ABL2: variants seen among roughly 807,000 people sequenced by gnomAD.
ABL2 encodes the protein tyrosine-protein kinase ABL2.
ABL2 carries 49 observed loss-of-function variants against 107.7 expected under a neutral mutation model. The ratio of observed to expected loss-of-function variants is 0.45; its 90% CI spans 0.36 to 0.58. The LOEUF is 0.58. Among genes scored for constraint, ABL2 ranks in the 20% least tolerant of loss-of-function variants. The probability of loss-of-function intolerance (pLI) is 0.00; values close to 1 mark genes in which losing one functional copy is unlikely to be tolerated. For missense variants in ABL2, 1,245 were observed against 1,457.0 expected, an observed-to-expected ratio of 0.85 and a Z score of 2.37; for synonymous variants, 549 against 548.6, an observed-to-expected ratio of 1.00 and a Z score of -0.01.
At chr1:179,182,206 T>C (rs561809927) in intron 1 of ABL2, among the ~76,000 whole-genome samples, 1 of 152,176 alleles carries the variant, frequency 6.6e-6, no homozygotes, top group East Asian at 1.9e-4. Flanking sequence ...CCTCTCTCAC[T>C]TGGACATACT....
intron 1 of ABL2, among the ~76,000 whole-genome samples, chr1:179,191,443 G>A (rs957643294): frequency 1.7e-5 from 2 of 114,962 alleles, no homozygotes; most frequent in Non-Finnish European, 3.5e-5. Flanking sequence ...TTTTTGAGAC[G>A]GAGTTTCGCT....
At chr1:179,147,607 C>T (rs1658087370) in intron 1 of ABL2, among the ~76,000 whole-genome samples, 1 of 152,188 alleles carries the variant, frequency 6.6e-6, no homozygotes, top group Admixed American at 6.5e-5. Context: ...AGTGAAATGA[C>T]TTAAAAACAG....
intron 1 of ABL2, among the ~76,000 whole-genome samples, chr1:179,200,677 T>C (rs1661617709): frequency 6.6e-6 from 1 of 152,162 alleles, no homozygotes; most frequent in Non-Finnish European, 1.5e-5. Flanking sequence ...TCTGATCCAC[T>C]ATTGTATTGG....
intron 1 of ABL2, among the ~76,000 whole-genome samples, chr1:179,177,973 G>A (rs961320008): frequency 6.6e-6 from 1 of 152,138 alleles, no homozygotes; most frequent in Non-Finnish European, 1.5e-5. Context: ...TGTATTTAAG[G>A]TGCTATGTAA....
intron 1 of ABL2, among the ~76,000 whole-genome samples, chr1:179,152,536 G>T (rs1382232050): frequency 6.6e-6 from 1 of 152,120 alleles, no homozygotes; most frequent in Non-Finnish European, 1.5e-5. Flanking sequence ...TTAGAGAGAT[G>T]ACTGTGTGTG....
intron 1 of ABL2, among the ~76,000 whole-genome samples, chr1:179,178,774 G>A (rs909780229): frequency 1.3e-5 from 2 of 152,028 alleles, no homozygotes; most frequent in Non-Finnish European, 2.9e-5. Flanking sequence ...GGGGGTGCCT[G>A]TAATCCCAGC....
At chr1:179,112,859 A>T (rs567858788) in intron 9 of ABL2, among the ~76,000 whole-genome samples, 1 of 151,574 alleles carries the variant, frequency 6.6e-6, no homozygotes, top group Non-Finnish European at 1.5e-5. Flanking sequence ...GGTTCAAGTG[A>T]TTCTCCAGCC....
chr1:179,190,322 T>C (rs973009498), intron 1 of ABL2, among the ~76,000 whole-genome samples: 4 of 152,084 alleles, frequency 2.6e-5, no homozygotes, highest in African/African-American at 9.7e-5. Context: ...GGAAACACTT[T>C]ACATACGTTT....
chr1:179,207,691 A>G (rs1388682602), intron 1 of ABL2, among the ~76,000 whole-genome samples: 3 of 152,202 alleles, frequency 2.0e-5, no homozygotes, highest in South Asian at 4.1e-4. Flanking sequence ...TAGCGAATGA[A>G]TAACTTGCCC....
intron 1 of ABL2, 71 bp downstream of exon 1, chr1:179,229,170 G>GGGCCCCCCCC: frequency 3.8e-6 from 1 of 266,256 alleles, no homozygotes; most frequent in Non-Finnish European, 6.8e-6. Context: ...CAGCCCGTCC[G>GGGCCCCCCCC]CCACCCACCC....
chr1:179,149,849 TTAA>T (rs1467280546), intron 1 of ABL2, among the ~76,000 whole-genome samples: 1 of 152,214 alleles, frequency 6.6e-6, no homozygotes, highest in East Asian at 1.9e-4. Flanking sequence ...CTTGGTACAT[TTAA>T]TGATATGTTG....
chr1:179,156,218 T>C (rs550941198), intron 1 of ABL2, among the ~76,000 whole-genome samples: 87 of 152,348 alleles, frequency 5.7e-4, no homozygotes, highest in Non-Finnish European at 1.1e-3. Context: ...CTACATATAT[T>C]TGGGTACTGG....
Position 179,133,299 on chromosome 1 carries a change from C to G in ABL2, c.220+13G>C. 1 of 1,614,166 alleles carries G rather than the reference C, an allele frequency of 6.2e-7. No individual in the cohort carries two copies. The highest frequency in any genetic ancestry group is 8.5e-7 in the Non-Finnish European group (1 of 1,180,024). On this transcript the variant is annotated intron_variant, in intron 2 of 11. Coordinates refer to ENST00000502732, the MANE Select transcript of ABL2 (RefSeq NM_007314.4). ...GCCTTAGTTCAAATCTGCAACATCT[C>G]AACATCTCTCACCTGGACTACTGCC...
intron 4 of ABL2, among the ~76,000 whole-genome samples, chr1:179,123,050 G>A (rs1655375158): frequency 6.6e-6 from 1 of 152,140 alleles, no homozygotes; most frequent in East Asian, 1.9e-4. Context: ...AGGCAAGCAA[G>A]GACTTGGCCT....
chr1:179,119,880 T>G (rs1212423036), intron 6 of ABL2, among the ~76,000 whole-genome samples: 1 of 152,228 alleles, frequency 6.6e-6, no homozygotes, highest in Admixed American at 6.5e-5. Flanking sequence ...TTTCTTGGGC[T>G]ATTTTTAAAC....
At chr1:179,152,182 C>A (rs1351796226) in intron 1 of ABL2, among the ~76,000 whole-genome samples, 2 of 152,100 alleles carry the variant, frequency 1.3e-5, no homozygotes, top group African/African-American at 2.4e-5. Flanking sequence ...CAGGGAGAAG[C>A]CTGAAGTTTA....
chr1:179,099,889 A>T lies in ABL2; in HGVS notation c.*7829T>A, dbSNP rs1652961968. 4.3e-6 allele frequency: 1 copy of T among 232,754 alleles called. No individual in the cohort carries two copies. Among genetic ancestry groups the T allele is most frequent in the Non-Finnish European group, 8.5e-6 (1 of 117,740 alleles). The allele number at this position is 232,754 out of a possible 1,614,324, so 14.4% of individuals were successfully genotyped here. On this transcript the variant is annotated 3_prime_UTR_variant, in exon 12 of 12. Transcript: ENST00000502732. ...GGGAGGAGATGGAGGTTCTGAGTAT[A>T]CATCAACAGCTAAGTCAGCCTGTTC...
At position 179,101,074 on chromosome 1, in the gene ABL2, TG is replaced by T. The variant is rs1572585328; in HGVS notation, c.*6643del. On this transcript the variant is annotated 3_prime_UTR_variant, in exon 12 of 12. Transcript: ENST00000502732. Reference sequence around the variant, plus strand: ...GGCGGATTCTCACAGATGGAGGATCTGGCCACTGCCATCTGAGAAGCTCGTG... The same window carrying T: ...GGCGGATTCTCACAGATGGAGGATCTGCCACTGCCATCTGAGAAGCTCGTG... 1 of 232,022 alleles carries T rather than the reference TG, an allele frequency of 4.3e-6. No homozygotes were observed. Among genetic ancestry groups the T allele is most frequent in the East Asian group, 6.1e-5 (1 of 16,390 alleles). 14.4% of individuals were successfully genotyped at this position (232,022 alleles called of 1,614,324 possible).
chr1:179,229,206 C>A, intron 1 of ABL2, 35 bp downstream of exon 1: 1 of 1,480,758 alleles, frequency 6.8e-7, no homozygotes, highest in Non-Finnish European at 9.0e-7. Flanking sequence ...CCCGGCCTCC[C>A]CCACGCTCTC....
Sources: gnomAD v4.1 joint callset for allele counts (sites outside exome capture counted in the v4.1 genomes callset) on GRCh38, gnomAD v4.1.1 for gene constraint, MANE v1.5 for transcripts, NCBI Gene and HGNC (gene_info 2026-07-23, HGNC 2026-07-21) for gene names.